Variants in ABI1 observed in about 807,000 individuals in gnomAD.
ABI1 encodes abl interactor 1.
ABI1 carries 14 observed loss-of-function variants against 54.6 expected under a neutral mutation model. The observed-to-expected ratio is 0.26, with a 90% CI of 0.17 to 0.40. ABI1 has a LOEUF of 0.40. Ranked by LOEUF, ABI1 falls within the 10% of genes least tolerant of loss-of-function variation. The probability of loss-of-function intolerance (pLI) is 1.00; values close to 1 mark genes in which losing one functional copy is unlikely to be tolerated. For missense variants in ABI1, 443 were observed against 598.3 expected (o/e 0.74, Z 2.71); for synonymous variants, 194 against 209.3 (o/e 0.93, Z 0.63).
intron 10 of ABI1, 82 bp from the exon 11 acceptor site, chr10:26,748,827 A>G: frequency 1.0e-6 from 1 of 985,248 alleles, no homozygotes; most frequent in Non-Finnish European, 1.5e-6. Context: ...ACAATTAAAT[A>G]TATAGCACAG....
chr10:26,859,260 A>C (rs1296812933), intron 1 of ABI1, among the ~76,000 whole-genome samples: 2 of 152,206 alleles, frequency 1.3e-5, no homozygotes, highest in African/African-American at 2.4e-5. Flanking sequence ...AAAATTGTGA[A>C]GATAAATTCC....
At chr10:26,808,400 T>C (rs1341292061) in intron 2 of ABI1, among the ~76,000 whole-genome samples, 2 of 152,128 alleles carry the variant, frequency 1.3e-5, no homozygotes, top group African/African-American at 4.8e-5. Flanking sequence ...TCAAGTTTCA[T>C]TCTTTGTTCA....
At chr10:26,788,418 G>GAATCTTATTTATC (rs1408900301) in intron 2 of ABI1, among the ~76,000 whole-genome samples, 3 of 152,104 alleles carry the variant, frequency 2.0e-5, no homozygotes, top group Non-Finnish European at 2.9e-5. Flanking sequence ...TAATAAATCT[G>GAATCTTATTTATC]AATCTTATTT....
intron 1 of ABI1, among the ~76,000 whole-genome samples, chr10:26,852,894 C>A (rs1458674456): frequency 6.6e-6 from 1 of 152,112 alleles, no homozygotes; most frequent in Non-Finnish European, 1.5e-5. Context: ...CGGCAAAATC[C>A]CATCTCTACA....
Position 26,805,379 on chromosome 10 carries a change from T to C in ABI1, c.285+17759A>G, listed in dbSNP as rs2046815504. On this transcript the variant is annotated intron_variant, in intron 2 of 10. Coordinates refer to ENST00000376140, the MANE Select transcript of ABI1 (RefSeq NM_001012750.3). ...GAAGGAGACTCCCAAACTAGCTGTT[T>C]ATACTCAAGCTCAAGGACAGTTCCA... 2.0e-5 allele frequency among the ~76,000 whole-genome samples: 3 copies of C among 151,608 alleles called. No homozygotes were observed. The South Asian group carries it at 6.2e-4, about 32-fold the overall frequency.
chr10:26,831,127 A>G (rs1278490762), intron 1 of ABI1, among the ~76,000 whole-genome samples: 1 of 150,078 alleles, frequency 6.7e-6, no homozygotes, highest in Non-Finnish European at 1.5e-5. Flanking sequence ...CATGTCTTTA[A>G]CTCTCCTCCC....
At chr10:26,824,484 G>A (rs2048181893) in intron 1 of ABI1, among the ~76,000 whole-genome samples, 3 of 152,042 alleles carry the variant, frequency 2.0e-5, no homozygotes, top group Admixed American at 1.3e-4. Flanking sequence ...ACTATCAATA[G>A]GAGACTGTTT....
At position 26,843,453 on chromosome 10, in the gene ABI1, C is replaced by CAAAAA. The variant is rs147957853; in HGVS notation, c.117+17289_117+17293dup. Among the ~76,000 whole-genome samples the CAAAAA allele has an allele frequency of 3.6e-3, 189 of 52,952 alleles. 28 individuals are homozygous for CAAAAA. The highest frequency in any genetic ancestry group is 6.3e-3 in the Non-Finnish European group (157 of 24,760). 34.7% of individuals were successfully genotyped at this position (52,952 alleles called of 152,430 possible). On this transcript the variant is annotated intron_variant, in intron 1 of 10. Coordinates refer to ENST00000376140, the MANE Select transcript of ABI1 (RefSeq NM_001012750.3). ...TTTATGACATAGCAAGACTCCGTCT[C>CAAAAA]AAAAAAAAAAAAAAAAAAAAAAAAA...
intron 1 of ABI1, among the ~76,000 whole-genome samples, chr10:26,846,145 A>G (rs920431761): frequency 3.3e-5 from 5 of 151,618 alleles, no homozygotes; most frequent in Non-Finnish European, 5.9e-5. Flanking sequence ...CCGTCTCAAA[A>G]AAAAAAAAAA....
intron 10 of ABI1, among the ~76,000 whole-genome samples, chr10:26,750,236 C>T (rs1276795490): frequency 6.6e-6 from 1 of 152,188 alleles, no homozygotes; most frequent in African/African-American, 2.4e-5. Flanking sequence ...CGGCTCATGC[C>T]GGTAATCCCA....
At chr10:26,773,681 T>C (rs1841031396) in intron 3 of ABI1, among the ~76,000 whole-genome samples, 2 of 152,108 alleles carry the variant, frequency 1.3e-5, no homozygotes, top group African/African-American at 4.8e-5. Context: ...GCATTCTGGG[T>C]TCCTACTTAG....
intron 1 of ABI1, among the ~76,000 whole-genome samples, chr10:26,852,363 C>T (rs1285209039): frequency 6.6e-6 from 1 of 152,058 alleles, no homozygotes; most frequent in African/African-American, 2.4e-5. Flanking sequence ...CCTGTAATCC[C>T]AGCTACTCAG....
intron 1 of ABI1, among the ~76,000 whole-genome samples, chr10:26,850,898 G>C (rs1589080108): frequency 6.6e-6 from 1 of 152,234 alleles, no homozygotes. Context: ...AGCTTGAGGT[G>C]AGATGTGTAG....
At position 26,798,852 on chromosome 10, in the gene ABI1, A is replaced by T. The variant is rs1201772662; in HGVS notation, c.286-21611T>A. Among the ~76,000 whole-genome samples the T allele has an allele frequency of 2.0e-5, 3 of 151,932 alleles. No individual in the cohort carries two copies. In the East Asian group the frequency reaches 5.8e-4, roughly 29 times the overall value. On this transcript the variant is annotated intron_variant, in intron 2 of 10. Coordinates refer to ENST00000376140, the MANE Select transcript of ABI1 (RefSeq NM_001012750.3). ...TTAAGTGGCACAGAGATCTCAACAC[A>T]TGAGATCTTAAAATAAGCTTACAAC...
intron 8 of ABI1, among the ~76,000 whole-genome samples, chr10:26,758,068 CAAAAAAAAAAAAAAAA>C (rs71403888): frequency 3.0e-5 from 2 of 67,406 alleles, no homozygotes; most frequent in Admixed American, 3.5e-4. Flanking sequence ...AACTCTGTCT[CAAAAAAAAAAAAAAAA>C]AAAAAAAAAA....
intron 1 of ABI1, among the ~76,000 whole-genome samples, chr10:26,834,913 G>A (rs1447026778): frequency 6.6e-6 from 1 of 151,952 alleles, no homozygotes; most frequent in Non-Finnish European, 1.5e-5. Context: ...GAACAGCCTG[G>A]CCAACATGGT....
intron 2 of ABI1, among the ~76,000 whole-genome samples, chr10:26,780,672 G>A (rs1841996084): frequency 6.6e-6 from 1 of 152,116 alleles, no homozygotes; most frequent in African/African-American, 2.4e-5. Flanking sequence ...TAGGAGTGGG[G>A]CCAAGTTCTC....
At chr10:26,757,498 A>G (rs1463255412) in intron 8 of ABI1, among the ~76,000 whole-genome samples, 1 of 152,182 alleles carries the variant, frequency 6.6e-6, no homozygotes, top group East Asian at 1.9e-4. Context: ...GGATCTAAAA[A>G]TTCAGAATAT....
In ABI1 at chr10:26,772,914, A is replaced by T. The variant is rs188838588; in HGVS notation, c.463-1825T>A. Among the ~76,000 whole-genome samples the T allele has an allele frequency of 5.5e-4, 84 of 152,066 alleles. No individual in the cohort carries two copies. The Middle Eastern group carries it at 0.014, about 25-fold the overall frequency. On this transcript the variant is annotated intron_variant, in intron 3 of 10. Transcript: ENST00000376140. ...AAGGCGAAACCCCTTCTCTTGAAAA[A>T]AAAAAATAAAAAATTAGCCAGGCAT...
Sources: gnomAD v4.1 joint callset for allele counts (sites outside exome capture counted in the v4.1 genomes callset) on GRCh38, gnomAD v4.1.1 for gene constraint, MANE v1.5 for transcripts, NCBI Gene and HGNC (gene_info 2026-07-23, HGNC 2026-07-21) for gene names.